GMDS: variants seen among roughly 807,000 people sequenced by gnomAD.
GMDS encodes GDP-mannose 4,6-dehydratase, also known as GDP-mannose 4,6 dehydratase.
Under a neutral mutation model 49.9 loss-of-function variants are expected in GMDS, and 20 were observed. That is an observed-to-expected ratio of 0.40 (90% CI 0.28 to 0.58). GMDS has a LOEUF of 0.58. Among genes scored for constraint, GMDS ranks in the 20% least tolerant of loss-of-function variants. The pLI, the probability that GMDS is intolerant of heterozygous loss-of-function variation, is 0.42. For missense variants in GMDS, 362 were observed against 481.4 expected (o/e 0.75, Z 2.32); for synonymous variants, 177 against 178.6 (o/e 0.99, Z 0.07).
chr6:1,871,670 T>A (rs748713128), intron 7 of GMDS, among the ~76,000 whole-genome samples: 1 of 152,246 alleles, frequency 6.6e-6, no homozygotes, highest in Non-Finnish European at 1.5e-5. Flanking sequence ...TGTTCCATGC[T>A]AAATACGACA....
intron 1 of GMDS, among the ~76,000 whole-genome samples, chr6:2,174,867 C>T (rs1248663543): frequency 6.6e-6 from 1 of 151,836 alleles, no homozygotes; most frequent in East Asian, 1.9e-4. Context: ...CCATGCCTGG[C>T]CGAATGGTGC....
chr6:1,915,643 G>A (rs1761344203), intron 7 of GMDS, among the ~76,000 whole-genome samples: 1 of 152,250 alleles, frequency 6.6e-6, no homozygotes, highest in South Asian at 2.1e-4. Flanking sequence ...GAGGCAGAGA[G>A]AGCATCACAG....
chr6:1,928,016 T>C (rs903970275), intron 7 of GMDS, among the ~76,000 whole-genome samples: 1 of 152,178 alleles, frequency 6.6e-6, no homozygotes, highest in Non-Finnish European at 1.5e-5. Flanking sequence ...AATAATAAAA[T>C]TGAATGAAAT....
chr6:2,113,387 A>C (rs1774661436), intron 4 of GMDS, among the ~76,000 whole-genome samples: 1 of 151,850 alleles, frequency 6.6e-6, no homozygotes, highest in Admixed American at 6.6e-5. Flanking sequence ...TCATCACTGA[A>C]TATATCTTCC....
At chr6:2,133,066 T>C (rs1473416605) in intron 1 of GMDS, among the ~76,000 whole-genome samples, 1 of 152,206 alleles carries the variant, frequency 6.6e-6, no homozygotes, top group South Asian at 2.1e-4. Flanking sequence ...TTAAAGGCTG[T>C]TTCTTTGCAA....
intron 7 of GMDS, 30 bp from the exon 8 acceptor site, chr6:1,742,616 G>A: frequency 8.3e-7 from 1 of 1,204,472 alleles, no homozygotes; most frequent in Non-Finnish European, 1.2e-6. Flanking sequence ...AGTTCACTTT[G>A]AAGTCACACT....
intron 7 of GMDS, among the ~76,000 whole-genome samples, chr6:1,829,656 T>A (rs1247907526): frequency 6.6e-6 from 1 of 152,192 alleles, no homozygotes; most frequent in African/African-American, 2.4e-5. Context: ...GCTGGGCTGG[T>A]TGTGAACTCC....
At chr6:1,946,161 AG>A (rs1181975309) in intron 6 of GMDS, among the ~76,000 whole-genome samples, 1 of 152,238 alleles carries the variant, frequency 6.6e-6, no homozygotes, top group African/African-American at 2.4e-5. Flanking sequence ...AAAGTCAAAC[AG>A]GAAGAATGGT....
chr6:2,138,569 C>G (rs9503106), intron 1 of GMDS, among the ~76,000 whole-genome samples: 24,025 of 152,050 alleles, frequency 0.16, 4,340 homozygotes, highest in African/African-American at 0.44. Context: ...GTTGAAGGTG[C>G]GGTCTAGTGG....
At chr6:2,090,488 T>C (rs895215375) in intron 4 of GMDS, among the ~76,000 whole-genome samples, 8 of 152,184 alleles carry the variant, frequency 5.3e-5, no homozygotes, top group African/African-American at 1.9e-4. Flanking sequence ...ATTCTAAGTA[T>C]CAACAAATCT....
rs556449898 is a variant in GMDS, at chr6:1,836,022, C to T, written c.772-93436G>A. ...AGCTGTGACTACAGGTGCCCACCACCACGCCTGGCTAATTTTTTGGATTTT... is the reference window on the plus strand; with the variant it reads ...AGCTGTGACTACAGGTGCCCACCACTACGCCTGGCTAATTTTTTGGATTTT... On this transcript the variant is annotated intron_variant, in intron 7 of 10. Transcript: ENST00000380815. This position sits in a 1 kb window ranked among gnomAD's most constrained non-coding sequence, Gnocchi z 4.2. 5.9e-5 allele frequency among the ~76,000 whole-genome samples: 9 copies of T among 152,274 alleles called. No homozygotes were observed. The highest frequency in any genetic ancestry group is 2.2e-4 in the African/African-American group (9 of 41,572).
chr6:1,872,838 A>G (rs1200255750), intron 7 of GMDS, among the ~76,000 whole-genome samples: 1 of 152,254 alleles, frequency 6.6e-6, no homozygotes, highest in Admixed American at 6.5e-5. Context: ...TTGGCAGCCT[A>G]TTCTGTTACA....
At chr6:2,100,794 G>A (rs186228693) in intron 4 of GMDS, among the ~76,000 whole-genome samples, 1 of 151,786 alleles carries the variant, frequency 6.6e-6, no homozygotes, top group African/African-American at 2.4e-5. Context: ...ACTTACAGTG[G>A]AAAAAATAAA....
chr6:1,709,951 T>A (rs1429806036), intron 9 of GMDS, among the ~76,000 whole-genome samples: 2 of 152,226 alleles, frequency 1.3e-5, no homozygotes, highest in African/African-American at 4.8e-5. Flanking sequence ...GCTTTTGGCT[T>A]AACTGCAGAA....
intron 4 of GMDS, among the ~76,000 whole-genome samples, chr6:2,023,568 C>CAGAATACAAAA (rs1561983788): frequency 6.6e-6 from 1 of 152,102 alleles, no homozygotes; most frequent in African/African-American, 2.4e-5. Context: ...GAACTAAACA[C>CAGAATACAAAA]AGAATACAAA....
At chr6:2,020,266 T>A (rs1197026961) in intron 4 of GMDS, among the ~76,000 whole-genome samples, 1 of 152,056 alleles carries the variant, frequency 6.6e-6, no homozygotes, top group East Asian at 1.9e-4. Context: ...ATTGAATATG[T>A]ATGCCTAAAG....
At chr6:1,852,019 G>A (rs1757698085) in intron 7 of GMDS, among the ~76,000 whole-genome samples, 1 of 152,194 alleles carries the variant, frequency 6.6e-6, no homozygotes, top group Non-Finnish European at 1.5e-5. Context: ...GAATCACAAG[G>A]GTCCCTGAAG....
In GMDS at chr6:1,773,305, C is replaced by T. The variant is rs532008194; in HGVS notation, c.772-30719G>A. Among the ~76,000 whole-genome samples the T allele has an allele frequency of 1.9e-4, 29 of 151,870 alleles. No homozygotes were observed. In the South Asian group the frequency reaches 2.7e-3, roughly 14 times the overall value. On this transcript the variant is annotated intron_variant, in intron 7 of 10. Transcript: ENST00000380815. ...TAGTTATGATATTCCTTGAAAGTAA[C>T]AGCATTTACTGAATAATTCTCTAAA...
chr6:1,739,368 G>C (rs1479371350), intron 8 of GMDS, among the ~76,000 whole-genome samples: 1 of 152,246 alleles, frequency 6.6e-6, no homozygotes, highest in East Asian at 1.9e-4. Context: ...CATGCCTCCA[G>C]GCTCGCCCTA....
Sources: allele counts gnomAD v4.1 joint callset (sites outside exome capture counted in the v4.1 genomes callset), GRCh38; gene constraint gnomAD v4.1.1; non-coding constraint Gnocchi (gnomAD v3.1); transcripts MANE v1.5; gene names NCBI Gene and HGNC (gene_info 2026-07-23, HGNC 2026-07-21).